LRRTM4: variants seen among roughly 807,000 people sequenced by gnomAD.
LRRTM4 encodes the protein leucine rich repeat transmembrane neuronal 4, also known as leucine-rich repeat transmembrane neuronal protein 4.
A neutral mutation model predicts 47.6 loss-of-function variants in LRRTM4; 25 were observed. The ratio of observed to expected loss-of-function variants is 0.53; its 90% CI spans 0.38 to 0.73. LRRTM4 has a LOEUF of 0.73. Ranked by LOEUF, LRRTM4 falls within the 30% of genes least tolerant of loss-of-function variation. The pLI, the probability that LRRTM4 is intolerant of heterozygous loss-of-function variation, is 0.00. For synonymous variants in LRRTM4, 311 were observed against 269.5 expected (o/e 1.15, Z -1.51); for missense variants, 638 against 713.4 (o/e 0.89, Z 1.20).
At chr2:77,342,960 A>G (rs1671429072) in intron 3 of LRRTM4, among the ~76,000 whole-genome samples, 2 of 151,950 alleles carry the variant, frequency 1.3e-5, no homozygotes, top group African/African-American at 4.8e-5. Flanking sequence ...TGGCATAATG[A>G]TACTCTTTAG....
At chr2:77,426,150 C>A (rs1675096339) in intron 3 of LRRTM4, among the ~76,000 whole-genome samples, 1 of 151,540 alleles carries the variant, frequency 6.6e-6, no homozygotes, top group African/African-American at 2.4e-5. Context: ...TGATATCCAT[C>A]TCCCTATTTC....
intron 3 of LRRTM4, among the ~76,000 whole-genome samples, chr2:77,189,779 A>G (rs1191959021): frequency 6.6e-6 from 1 of 152,112 alleles, no homozygotes; most frequent in Non-Finnish European, 1.5e-5. Context: ...ATACACACAC[A>G]CACACATTTA....
chr2:76,904,871 G>A (rs999889783), intron 3 of LRRTM4, among the ~76,000 whole-genome samples: 1 of 152,206 alleles, frequency 6.6e-6, no homozygotes. Flanking sequence ...TTTTGAAAAG[G>A]CATCATTCTT....
At position 76,903,758 on chromosome 2, in the gene LRRTM4, C is replaced by A. The variant is rs1360497702; in HGVS notation, c.1552-154842G>T. ...TTACAAACAAATCATGGAAATGGCA[C>A]TTTTACTGGGTTACAAATAATATTT... On this transcript the variant is annotated intron_variant, in intron 3 of 3. Coordinates refer to ENST00000409884, the MANE Select transcript of LRRTM4 (RefSeq NM_001134745.3). 2.6e-5 allele frequency among the ~76,000 whole-genome samples: 4 copies of A among 152,028 alleles called. No homozygotes were observed. In the East Asian group the frequency reaches 7.7e-4, roughly 29 times the overall value.
rs891368870 is a variant in LRRTM4 at position 77,390,677 on chromosome 2, AATATT to A, written c.1551+127636_1551+127640del. Among the ~76,000 whole-genome samples, 37 of 151,674 alleles carry A rather than the reference AATATT, an allele frequency of 2.4e-4. 1 individual carries two copies. Among genetic ancestry groups the A allele is most frequent in the African/African-American group, 8.0e-4 (33 of 41,508 alleles). On this transcript the variant is annotated intron_variant, in intron 3 of 3. Coordinates refer to ENST00000409884, the MANE Select transcript of LRRTM4 (RefSeq NM_001134745.3). ...TTAATTTATCTTTAAAACGTTAAAT[AATATT>A]ATATATGATGATGATGATTTTCAAA...
At chr2:77,142,619 C>G (rs1446599527) in intron 3 of LRRTM4, among the ~76,000 whole-genome samples, 3 of 152,016 alleles carry the variant, frequency 2.0e-5, no homozygotes, top group Non-Finnish European at 1.5e-5. Context: ...ATATGCAAGA[C>G]AAATCAGTAT....
At chr2:77,004,768 C>T (rs1325674172) in intron 3 of LRRTM4, among the ~76,000 whole-genome samples, 5 of 152,052 alleles carry the variant, frequency 3.3e-5, no homozygotes, top group Admixed American at 1.3e-4. Context: ...GGAGGGTGGC[C>T]GAATCCTGCA....
intron 3 of LRRTM4, among the ~76,000 whole-genome samples, chr2:77,125,662 T>C (rs1293332737): frequency 6.6e-6 from 1 of 152,170 alleles, no homozygotes; most frequent in Admixed American, 6.6e-5. Context: ...AGTGCATGCA[T>C]TCTCTTATGT....
intron 3 of LRRTM4, among the ~76,000 whole-genome samples, chr2:77,194,729 G>A (rs1673765229): frequency 6.6e-6 from 1 of 152,004 alleles, no homozygotes; most frequent in African/African-American, 2.4e-5. Flanking sequence ...CCTAACCTAT[G>A]GGTAACAGGA....
At chr2:77,030,154 C>T (rs752201212) in intron 3 of LRRTM4, among the ~76,000 whole-genome samples, 22 of 152,184 alleles carry the variant, frequency 1.4e-4, no homozygotes, top group Non-Finnish European at 2.6e-4. Context: ...GTAAATAGGC[C>T]GGACATGGTG....
intron 3 of LRRTM4, among the ~76,000 whole-genome samples, chr2:76,775,196 G>C (rs567524747): frequency 1.5e-4 from 23 of 152,250 alleles, no homozygotes; most frequent in South Asian, 1.2e-3. Context: ...TTTTGGGCTT[G>C]ATGGCTTTTG....
At chr2:77,211,313 C>T (rs1674286459) in intron 3 of LRRTM4, among the ~76,000 whole-genome samples, 1 of 152,136 alleles carries the variant, frequency 6.6e-6, no homozygotes, top group Admixed American at 6.6e-5. Flanking sequence ...GAAAGAGAAG[C>T]AGATACTGCT....
At chr2:77,170,044 AGTCCTCTAAGATGTTGGG>A (rs1673001950) in intron 3 of LRRTM4, among the ~76,000 whole-genome samples, 2 of 152,184 alleles carry the variant, frequency 1.3e-5, no homozygotes, top group Non-Finnish European at 1.5e-5. Context: ...ACCAAATGAT[AGTCCTCTAAGATGTTGGG>A]GTCCTAATCT....
chr2:77,351,577 G>A (rs1201581682), intron 3 of LRRTM4, among the ~76,000 whole-genome samples: 1 of 148,092 alleles, frequency 6.8e-6, no homozygotes, highest in Non-Finnish European at 1.5e-5. Context: ...ATTTTAAAGA[G>A]CAAAAATTAA....
chr2:77,384,392 C>T (rs1390503087), intron 3 of LRRTM4, among the ~76,000 whole-genome samples: 1 of 151,714 alleles, frequency 6.6e-6, no homozygotes, highest in Non-Finnish European at 1.5e-5. Context: ...CTCAATATTT[C>T]TTAAAGAACT....
chr2:76,759,159 C>CA (rs1174768029), intron 3 of LRRTM4, among the ~76,000 whole-genome samples: 2 of 152,024 alleles, frequency 1.3e-5, no homozygotes, highest in Non-Finnish European at 2.9e-5. Flanking sequence ...GTGCTGTACT[C>CA]AAGGAGTTTA....
At chr2:77,061,306 A>C (rs1162627788) in intron 3 of LRRTM4, among the ~76,000 whole-genome samples, 1 of 152,204 alleles carries the variant, frequency 6.6e-6, no homozygotes, top group African/African-American at 2.4e-5. Context: ...CAGTATTTCA[A>C]ATTTTAAGTC....
At chr2:76,868,711 G>A (rs13382600) in intron 3 of LRRTM4, among the ~76,000 whole-genome samples, 11,178 of 152,082 alleles carry the variant, frequency 0.073, 1,349 homozygotes, top group African/African-American at 0.25. Flanking sequence ...GTAACATGCC[G>A]GAGGAAGCCT....
intron 3 of LRRTM4, among the ~76,000 whole-genome samples, chr2:77,414,795 C>A (rs1046854918): frequency 1.3e-5 from 2 of 152,194 alleles, no homozygotes; most frequent in Non-Finnish European, 2.9e-5. Flanking sequence ...CTGCCCCGCT[C>A]TATACCATCT....
Sources: allele counts gnomAD v4.1 joint callset (sites outside exome capture counted in the v4.1 genomes callset), GRCh38; gene constraint gnomAD v4.1.1; transcripts MANE v1.5; gene names NCBI Gene and HGNC (gene_info 2026-07-23, HGNC 2026-07-21).